The following BATF2 variants were observed in gnomAD, a reference collection of about 807,000 sequenced individuals.
The protein encoded by BATF2 is basic leucine zipper ATF-like transcription factor 2, also known as basic leucine zipper transcriptional factor ATF-like 2.
In BATF2, 4 loss-of-function variants were observed where a neutral mutation model predicts 7.3. That is an observed-to-expected ratio of 0.55 (90% CI 0.27 to 1.26). The LOEUF (loss-of-function observed/expected upper bound fraction) is 1.26. Among genes scored for constraint, BATF2 ranks in the 50% most tolerant of loss-of-function variants. BATF2 has a pLI of 0.11. For synonymous variants in BATF2, 152 were observed against 153.9 expected, an observed-to-expected ratio of 0.99 and a Z score of 0.09; for missense variants, 295 against 340.5, an observed-to-expected ratio of 0.87 and a Z score of 1.05.
In BATF2 at chr11:64,996,892, C is replaced by T. The variant is rs143429005; in HGVS notation, c.23G>A (p.Gly8Glu). Residue 8 changes from glycine to glutamate, a missense_variant, in exon 1 of 3, where the codon GGG (glycine) becomes GAG (glutamate). Transcript: ENST00000301887. ...TGTACTCACTGTCTGGGTCAGCAGCCCATTGCCCCCACAGAGGTGCATGGC... is the reference window on the plus strand; with the variant it reads ...TGTACTCACTGTCTGGGTCAGCAGCTCATTGCCCCCACAGAGGTGCATGGC... MHLCGGN[G>E]LLTQTDPKEQ... is the part of the protein sequence containing the mutation. The T allele has an allele frequency of 4.1e-5, 66 of 1,608,134 alleles. No homozygotes were observed. In the African/African-American group the frequency reaches 7.6e-4, roughly 19 times the overall value.
rs1363843099 is a variant in BATF2 at position 64,989,853 on chromosome 11, G to C, written c.142-41C>G. ...TGGGCGGGGAGGGGAACCTCAGCCA[G>C]TGTCAGGGGCCCCGCATGAGCCTTA... On this transcript the variant is annotated intron_variant, in intron 2 of 2. Coordinates refer to ENST00000301887, the MANE Select transcript of BATF2 (RefSeq NM_138456.4). This position sits in a 1 kb window ranked among gnomAD's most constrained non-coding sequence, Gnocchi z 4.3. The C allele has an allele frequency of 1.9e-6, 3 of 1,606,940 alleles. No homozygotes were observed. Among genetic ancestry groups the C allele is most frequent in the Non-Finnish European group, 1.7e-6 (2 of 1,176,190 alleles).
rs1022480979 is a variant in BATF2, at chr11:64,996,856, C to G, written c.39+20G>C. ...CCCAGCTCCCCTTCTCATCCCCGAT[C>G]CCCAATCCCCTGTACTCACTGTCTG... On this transcript the variant is annotated intron_variant, in intron 1 of 2. Transcript: ENST00000301887. 9 of 1,611,950 alleles carry G rather than the reference C, an allele frequency of 5.6e-6. No homozygotes were observed. In the African/African-American group the frequency reaches 1.1e-4, roughly 19 times the overall value.
chr11:64,992,858 CA>C (rs367584256), intron 2 of BATF2, among the ~76,000 whole-genome samples: 4,299 of 127,058 alleles, frequency 0.034, 188 homozygotes, highest in African/African-American at 0.11. Flanking sequence ...AAGACCCTCT[CA>C]AAAAAAAAAA....
chr11:64,988,986 G>C lies in BATF2; in HGVS notation c.*143C>G. On this transcript the variant is annotated 3_prime_UTR_variant, in exon 3 of 3. Coordinates refer to ENST00000301887, the MANE Select transcript of BATF2 (RefSeq NM_138456.4). ...GCCTGTCACAGTGGGAGGCATCAGT[G>C]GTGGCTTCCTTTTCGACTGTGAAAT... 1 of 831,966 alleles carries C rather than the reference G, an allele frequency of 1.2e-6. No individual in the cohort carries two copies. Among genetic ancestry groups the C allele is most frequent in the South Asian group, 1.6e-5 (1 of 62,090 alleles). 51.5% of individuals were successfully genotyped at this position (831,966 alleles called of 1,614,324 possible). A position where few individuals can be genotyped will look rare whatever the true frequency, so the allele number is the denominator to read the frequency against.
chr11:64,989,787 TTGTC>T lies in BATF2; in HGVS notation c.163_166del (p.Asp55ThrfsTer254). ...CTGGATCTCCTTCCGCAGGGCGAGGTTGTCTTTTTCCAGAGACTCGTGCTGCTGC... is the reference window on the plus strand; with the variant it reads ...CTGGATCTCCTTCCGCAGGGCGAGGTTTTTTCCAGAGACTCGTGCTGCTGC... On this transcript the variant is annotated frameshift_variant, in exon 3 of 3. Coordinates refer to ENST00000301887, the MANE Select transcript of BATF2 (RefSeq NM_138456.4). LOFTEE classifies it low-confidence loss of function (END_TRUNC). This position sits in a 1 kb window ranked among gnomAD's most constrained non-coding sequence, Gnocchi z 4.3. 3 of 1,613,700 alleles carry T rather than the reference TTGTC, an allele frequency of 1.9e-6. No individual in the cohort carries two copies. The highest frequency in any genetic ancestry group is 2.5e-6 in the Non-Finnish European group (3 of 1,179,964).
intron 2 of BATF2, chr11:64,990,210 A>G: frequency 1.3e-6 from 2 of 1,535,656 alleles, no homozygotes; most frequent in South Asian, 1.2e-5. Context: ...CCTGTGGTAG[A>G]ATTCCAGGCC....
At chr11:64,995,953 C>CTTTATTTTAT (rs565630880) in intron 1 of BATF2, among the ~76,000 whole-genome samples, 15 of 151,924 alleles carry the variant, frequency 9.9e-5, no homozygotes, top group Non-Finnish European at 2.1e-4. Context: ...TATTATTTTA[C>CTTTATTTTAT]TTTATTTTAT....
Position 64,988,735 on chromosome 11 carries a change from T to C in BATF2, c.*394A>G. 3.9e-6 allele frequency: 1 copy of C among 258,266 alleles called. No homozygotes were observed. Among genetic ancestry groups the C allele is most frequent in the Non-Finnish European group, 7.6e-6 (1 of 130,904 alleles). 16.0% of individuals were successfully genotyped at this position (258,266 alleles called of 1,614,324 possible). A position where few individuals can be genotyped will look rare whatever the true frequency, so the allele number is the denominator to read the frequency against. ...CTCTGCTCTGAGCATGCAAACCTTC[T>C]CACACCAGCCCACGGTTTCCAGGAT... On this transcript the variant is annotated 3_prime_UTR_variant, in exon 3 of 3. Coordinates refer to ENST00000301887, the MANE Select transcript of BATF2 (RefSeq NM_138456.4).
At chr11:64,996,401 C>T (rs932904752) in intron 1 of BATF2, among the ~76,000 whole-genome samples, 3 of 152,100 alleles carry the variant, frequency 2.0e-5, no homozygotes, top group African/African-American at 7.2e-5. Flanking sequence ...AGACTACAGA[C>T]GTGCCCTGCC....
intron 2 of BATF2, 95 bp downstream of exon 2, chr11:64,994,353 T>G (rs1164671588): frequency 7.6e-6 from 9 of 1,189,980 alleles, no homozygotes; most frequent in Non-Finnish European, 1.1e-5. Flanking sequence ...ATACAGGAGT[T>G]TGGGGGAGGT....
At position 64,989,201 on chromosome 11, in the gene BATF2, C is replaced by T. The variant is rs775377476; in HGVS notation, c.753G>A (p.Gly251=). ...GGTGAGGGCTGGGATCCACAACCAGCCCTTGCCAAGTGGCTGCTGAGAGAG... is the reference window on the plus strand; with the variant it reads ...GGTGAGGGCTGGGATCCACAACCAGTCCTTGCCAAGTGGCTGCTGAGAGAG... ...KPALSAATWQ[G]LVVDPSPHPL... The change falls in exon 3 of 3, where the codon GGG becomes GGA. Residue 251 remains glycine (G), a synonymous_variant. Coordinates refer to ENST00000301887, the MANE Select transcript of BATF2 (RefSeq NM_138456.4). The surrounding 1 kb of genome is among the most constrained non-coding windows in gnomAD (Gnocchi z 4.3). The T allele has an allele frequency of 6.2e-7, 1 of 1,614,074 alleles. No individual in the cohort carries two copies. Among genetic ancestry groups the T allele is most frequent in the South Asian group, 1.1e-5 (1 of 91,080 alleles).
intron 2 of BATF2, among the ~76,000 whole-genome samples, chr11:64,993,728 C>T (rs1946092407): frequency 6.6e-6 from 1 of 152,144 alleles, no homozygotes. Context: ...GGTGATTAAT[C>T]ACAAATCACC....
rs574482379 is a variant in BATF2, at chr11:64,989,797, C to G, written c.157G>C (p.Glu53Gln). The G allele has an allele frequency of 1.0e-3, 1,653 of 1,613,798 alleles. 35 individuals are homozygous for G. In the South Asian group the frequency reaches 0.017, roughly 17 times the overall value. Residue 53 changes from glutamate to glutamine, a missense_variant, in exon 3 of 3, where the codon GAA becomes CAA. Coordinates refer to ENST00000301887, the MANE Select transcript of BATF2 (RefSeq NM_138456.4). The surrounding 1 kb of genome is among the most constrained non-coding windows in gnomAD (Gnocchi z 4.3). ...DALHQQHESL[E>Q]KDNLALRKEI... is the part of the protein sequence containing the mutation. ...TTCCGCAGGGCGAGGTTGTCTTTTT[C>G]CAGAGACTCGTGCTGCTGCAGAGAA...
Position 64,994,496 on chromosome 11 carries a change from G to A in BATF2, c.93C>T (p.Ala31=). ...QLKKQKNRAA[A]QRSRQKHTDK... is the part of the protein sequence containing the mutation. ...CTGTGTGCTTCTGCCGGCTTCGCTG[G>A]GCGGCTGCCCGGTTCTTCTGCTTCT... The change falls in exon 2 of 3, where the codon GCC becomes GCT. Residue 31 remains alanine, a synonymous_variant. Coordinates refer to ENST00000301887, the MANE Select transcript of BATF2 (RefSeq NM_138456.4). 2 of 1,603,882 alleles carry A rather than the reference G, an allele frequency of 1.2e-6. No homozygotes were observed. Among genetic ancestry groups the A allele is most frequent in the East Asian group, 2.2e-5 (1 of 44,542 alleles).
rs143335032 is a variant in BATF2 at position 64,989,327 on chromosome 11, G to C, written c.627C>G (p.Leu209=). 521 of 1,576,186 alleles carry C rather than the reference G, an allele frequency of 3.3e-4. 1 individual carries two copies. The highest frequency in any genetic ancestry group is 3.7e-4 in the Admixed American group (21 of 56,268). ...LTAQTAPPQP[L]ELEHPTRGKL... The stretch of plus-strand genomic sequence containing the variant: ...TCCCTCTGGTGGGATGCTCCAGCTC[G>C]AGGGGCTGTGGAGGGGCAGTTTGGG... The change falls in exon 3 of 3, where the codon CTC becomes CTG. Residue 209 remains leucine (L), a synonymous_variant. Transcript: ENST00000301887. This position sits in a 1 kb window ranked among gnomAD's most constrained non-coding sequence, Gnocchi z 4.3.
At position 64,989,799 on chromosome 11, in the gene BATF2, A is replaced by G; in HGVS notation, c.155T>C (p.Leu52Pro). 1 of 1,613,670 alleles carries G rather than the reference A, an allele frequency of 6.2e-7. No individual in the cohort carries two copies. The highest frequency in any genetic ancestry group is 8.5e-7 in the Non-Finnish European group (1 of 1,179,886). Residue 52 changes from leucine to proline, a missense_variant, in exon 3 of 3, where the codon CTG becomes CCG. By Grantham distance (98) the Leu-to-Pro change is moderately conservative. Coordinates refer to ENST00000301887, the MANE Select transcript of BATF2 (RefSeq NM_138456.4). This position sits in a 1 kb window ranked among gnomAD's most constrained non-coding sequence, Gnocchi z 4.3. Reference protein sequence around the residue: ...ADALHQQHESLEKDNLALRKE... With the variant: ...ADALHQQHESPEKDNLALRKE... ...CCGCAGGGCGAGGTTGTCTTTTTCC[A>G]GAGACTCGTGCTGCTGCAGAGAAGC...
intron 2 of BATF2, among the ~76,000 whole-genome samples, chr11:64,990,905 C>A (rs1449162178): frequency 6.6e-6 from 1 of 151,918 alleles, no homozygotes; most frequent in Non-Finnish European, 1.5e-5. Context: ...ATTCTCCTGC[C>A]TCAGCCTCCT....
At chr11:64,994,190 G>A (rs575898735) in intron 2 of BATF2, among the ~76,000 whole-genome samples, 6 of 152,220 alleles carry the variant, frequency 3.9e-5, no homozygotes, top group African/African-American at 1.2e-4. Context: ...CCTAGACTGC[G>A]GACACCTTAG....
intron 1 of BATF2, among the ~76,000 whole-genome samples, chr11:64,995,568 G>A (rs1946104240): frequency 6.6e-6 from 1 of 152,136 alleles, no homozygotes; most frequent in South Asian, 2.1e-4. Context: ...TGGACTCAAA[G>A]GTTGTGACCA....
Sources: gnomAD v4.1 joint callset for allele counts (sites outside exome capture counted in the v4.1 genomes callset) on GRCh38, gnomAD v4.1.1 for gene constraint, Gnocchi (gnomAD v3.1) non-coding constraint, MANE v1.5 for transcripts, NCBI Gene and HGNC (gene_info 2026-07-23, HGNC 2026-07-21) for gene names.